The following CEP63 variants were observed in gnomAD, a reference collection of about 807,000 sequenced individuals.
CEP63 encodes centrosomal protein 63.
A neutral mutation model predicts 89.1 loss-of-function variants in CEP63; 84 were observed. That is an observed-to-expected ratio of 0.94 (90% CI 0.79 to 1.13). CEP63 has a LOEUF of 1.13. CEP63 is among the 50% of genes most tolerant of loss of function. The pLI, the probability that CEP63 is intolerant of heterozygous loss-of-function variation, is 0.00. For missense variants in CEP63, 838 were observed against 813.3 expected, an observed-to-expected ratio of 1.03 and a Z score of -0.37; for synonymous variants, 267 against 272.5, an observed-to-expected ratio of 0.98 and a Z score of 0.20.
chr3:134,602,695 G>C, the CEP63 span, among the ~76,000 whole-genome samples: 1 of 152,186 alleles, frequency 6.6e-6, no homozygotes, highest in Admixed American at 6.5e-5. Context: ...GCAGGGGCCT[G>C]AGGCCCAGGC....
At chr3:134,500,847 G>A (rs1941780808) in intron 2 of CEP63, among the ~76,000 whole-genome samples, 4 of 152,008 alleles carry the variant, frequency 2.6e-5, no homozygotes. Flanking sequence ...GGTCCCAATT[G>A]TCAATTTTTG....
At chr3:134,624,846 C>G in the CEP63 span, among the ~76,000 whole-genome samples, 152,019 of 152,210 alleles carry the variant, frequency 1, 75,915 homozygotes, top group Non-Finnish European at 1. Context: ...CGTGGGTGGG[C>G]TGGGGGATGG....
intron 10 of CEP63, among the ~76,000 whole-genome samples, chr3:134,586,781 A>G (rs1194063405): frequency 6.6e-6 from 1 of 152,030 alleles, no homozygotes; most frequent in African/African-American, 2.4e-5. Context: ...TATCCTGAAG[A>G]GTGTTTTCGA....
At chr3:134,749,885 G>A in the CEP63 span, among the ~76,000 whole-genome samples, 1 of 151,994 alleles carries the variant, frequency 6.6e-6, no homozygotes, top group Non-Finnish European at 1.5e-5. Flanking sequence ...TCCAGCCCTG[G>A]GCCACACTGG....
At chr3:134,774,408 T>C in the CEP63 span, among the ~76,000 whole-genome samples, 1 of 152,232 alleles carries the variant, frequency 6.6e-6, no homozygotes, top group African/African-American at 2.4e-5. Context: ...AATTGCCTTA[T>C]TGATCCACAA....
chr3:134,745,360 G>A, the CEP63 span, among the ~76,000 whole-genome samples: 2 of 152,082 alleles, frequency 1.3e-5, no homozygotes, highest in South Asian at 4.1e-4. Context: ...TGTTCATCTT[G>A]TATGATTATC....
At chr3:134,755,404 G>A in the CEP63 span, among the ~76,000 whole-genome samples, 2 of 152,212 alleles carry the variant, frequency 1.3e-5, no homozygotes, top group African/African-American at 4.8e-5. Flanking sequence ...AGCATCTCCA[G>A]GGGGCTCAGC....
the CEP63 span, among the ~76,000 whole-genome samples, chr3:134,672,616 C>T: frequency 6.6e-6 from 1 of 152,192 alleles, no homozygotes; most frequent in Non-Finnish European, 1.5e-5. Context: ...TTCTTGAACA[C>T]TCTCATTCCG....
chr3:134,650,823 ACCT>A, the CEP63 span: 2 of 1,581,590 alleles, frequency 1.3e-6, no homozygotes, highest in Non-Finnish European at 1.7e-6. Flanking sequence ...GGCGCGCGTT[ACCT>A]CCTCCGCGCT....
At chr3:134,698,129 C>T in the CEP63 span, among the ~76,000 whole-genome samples, 1 of 152,248 alleles carries the variant, frequency 6.6e-6, no homozygotes, top group African/African-American at 2.4e-5. Flanking sequence ...GCATGGATGG[C>T]ACACTTTCCA....
chr3:134,649,003 C>T, the CEP63 span, among the ~76,000 whole-genome samples: 2 of 152,166 alleles, frequency 1.3e-5, no homozygotes. Flanking sequence ...CTCCCTTAGG[C>T]TGTTTTTCGA....
At chr3:134,673,793 C>G in the CEP63 span, among the ~76,000 whole-genome samples, 8 of 152,194 alleles carry the variant, frequency 5.3e-5, no homozygotes, top group Non-Finnish European at 2.9e-5. Flanking sequence ...TGCACAGGCA[C>G]ACCATTCTCT....
the CEP63 span, chr3:134,627,993 C>T: frequency 1.6e-6 from 1 of 617,850 alleles, no homozygotes; most frequent in Non-Finnish European, 2.9e-6. Context: ...TTGCCAGGAA[C>T]TTCCTGGTGT....
Position 134,506,843 on chromosome 3 carries a change from G to A in CEP63, c.45-266G>A, listed in dbSNP as rs4974478. On this transcript the variant is annotated intron_variant, in intron 2 of 14. Transcript: ENST00000675561. ...TGAGGCAGGAGAATTGCTTGAACCCGAGACGTGGAGGTTGCAGTGAGCCAT... is the reference window on the plus strand; with the variant it reads ...TGAGGCAGGAGAATTGCTTGAACCCAAGACGTGGAGGTTGCAGTGAGCCAT... 0.66 allele frequency among the ~76,000 whole-genome samples: 98,654 copies of A among 149,044 alleles called. 32,908 individuals are homozygous for A. Among genetic ancestry groups the A allele is most frequent in the East Asian group, 0.81 (4,073 of 5,000 alleles).
chr3:134,495,499 A>G, intron 2 of CEP63, 135 bp downstream of exon 2: 1 of 637,648 alleles, frequency 1.6e-6, no homozygotes, highest in Non-Finnish European at 2.8e-6. Flanking sequence ...CTATCAGCTC[A>G]AGCATTTATC....
chr3:134,685,455 A>T, the CEP63 span, among the ~76,000 whole-genome samples: 1 of 152,154 alleles, frequency 6.6e-6, no homozygotes, highest in African/African-American at 2.4e-5. Context: ...TTTGTTCTAG[A>T]GTCTGGGCAT....
At chr3:134,491,282 T>G (rs1234065513) in intron 1 of CEP63, among the ~76,000 whole-genome samples, 1 of 152,234 alleles carries the variant, frequency 6.6e-6, no homozygotes, top group African/African-American at 2.4e-5. Flanking sequence ...GAAGAAAGGG[T>G]AACTTACTGT....
chr3:134,493,893 T>A (rs1345993240), intron 1 of CEP63, among the ~76,000 whole-genome samples: 2 of 152,240 alleles, frequency 1.3e-5, no homozygotes, highest in Non-Finnish European at 2.9e-5. Context: ...GCAGAACCTC[T>A]ACACCACAGT....
the CEP63 span, among the ~76,000 whole-genome samples, chr3:134,679,489 G>C: frequency 1.3e-5 from 2 of 152,194 alleles, no homozygotes; most frequent in African/African-American, 2.4e-5. Context: ...TCTCACTGCA[G>C]AACAGCATGG....
Sources: allele counts gnomAD v4.1 joint callset (sites outside exome capture counted in the v4.1 genomes callset), GRCh38; gene constraint gnomAD v4.1.1; transcripts MANE v1.5; gene names NCBI Gene and HGNC (gene_info 2026-07-23, HGNC 2026-07-21).